PPT1: variants seen among roughly 807,000 people sequenced by gnomAD.
The protein encoded by PPT1 is ceroid-palmitoyl-palmitoyl-protein thioesterase 1.
A neutral mutation model predicts 44.0 loss-of-function variants in PPT1; 24 were observed. That is an observed-to-expected ratio of 0.54 (90% confidence interval 0.39 to 0.77). The LOEUF (loss-of-function observed/expected upper bound fraction) is 0.77, where lower values mean the gene tolerates loss of function less well. Among genes scored for constraint, PPT1 ranks in the 30% least tolerant of loss-of-function variants. PPT1 has a pLI of 0.00. For missense variants in PPT1, 341 were observed against 378.8 expected (o/e 0.90, Z 0.83); for synonymous variants, 148 against 140.2 (o/e 1.06, Z -0.39).
intron 7 of PPT1, 77 bp downstream of exon 7, chr1:40,078,483 T>C (rs1648744967): frequency 7.1e-7 from 1 of 1,418,030 alleles, no homozygotes; most frequent in Non-Finnish European, 9.9e-7. Flanking sequence ...ATTACAGGCA[T>C]GAGCCACCGT....
chr1:40,084,102 C>G (rs1456458360), intron 5 of PPT1, among the ~76,000 whole-genome samples: 1 of 152,026 alleles, frequency 6.6e-6, no homozygotes, highest in African/African-American at 2.4e-5. Flanking sequence ...GTCAAAATAT[C>G]AGTATTATCA....
chr1:40,081,490 T>G (rs1648935321), intron 5 of PPT1, among the ~76,000 whole-genome samples: 1 of 151,792 alleles, frequency 6.6e-6, no homozygotes, highest in Admixed American at 6.6e-5. Flanking sequence ...TGAGCCAAGA[T>G]CACGCCATTG....
chr1:40,089,876 T>C (rs1236805740), intron 4 of PPT1, among the ~76,000 whole-genome samples: 35 of 151,616 alleles, frequency 2.3e-4, no homozygotes, highest in Admixed American at 2.3e-3. Flanking sequence ...ATCCTTAGCA[T>C]CCTCATCAAT....
chr1:40,078,512 T>G, intron 7 of PPT1, 48 bp downstream of exon 7: 2 of 1,572,356 alleles, frequency 1.3e-6, no homozygotes, highest in Non-Finnish European at 1.7e-6. Flanking sequence ...AGCAGCCCTA[T>G]TTTAATGCCA....
intron 8 of PPT1, among the ~76,000 whole-genome samples, chr1:40,074,466 T>C (rs1648496023): frequency 7.7e-6 from 1 of 129,920 alleles, no homozygotes; most frequent in African/African-American, 3.0e-5. Flanking sequence ...TCTCTGTCTC[T>C]CTTTCTCTTT....
At chr1:40,090,338 A>G (rs568127946) in intron 4 of PPT1, among the ~76,000 whole-genome samples, 3 of 151,908 alleles carry the variant, frequency 2.0e-5, no homozygotes, top group Admixed American at 1.3e-4. Flanking sequence ...TTTATCGTGT[A>G]TATATATATA....
intron 1 of PPT1, among the ~76,000 whole-genome samples, chr1:40,096,106 G>C (rs115908521): frequency 0.022 from 3,349 of 152,108 alleles, 121 homozygotes; most frequent in African/African-American, 0.077. Context: ...ACAGCCAAAT[G>C]GCAACTGTCC....
rs568364064 is a variant in PPT1, at chr1:40,095,315, T to G, written c.124+1800A>C. Among the ~76,000 whole-genome samples the G allele has an allele frequency of 2.0e-5, 3 of 152,206 alleles. No individual in the cohort carries two copies. The South Asian group carries it at 6.2e-4, about 31-fold the overall frequency. ...TCATTTCCTCCACCTCCAAATGGAATGGAGTGCCTCAGGGCTTAGTCCTCT... is the reference window on the plus strand; with the variant it reads ...TCATTTCCTCCACCTCCAAATGGAAGGGAGTGCCTCAGGGCTTAGTCCTCT... On this transcript the variant is annotated intron_variant, in intron 1 of 8. Transcript: ENST00000642050.
At chr1:40,091,232 T>A in intron 4 of PPT1, 97 bp downstream of exon 4, 1 of 1,247,814 alleles carries the variant, frequency 8.0e-7, no homozygotes, top group Non-Finnish European at 1.2e-6. Context: ...CAAGAATGGC[T>A]GATGTCTTGT....
At chr1:40,081,188 T>C (rs1648917891) in intron 5 of PPT1, among the ~76,000 whole-genome samples, 1 of 152,108 alleles carries the variant, frequency 6.6e-6, no homozygotes, top group Non-Finnish European at 1.5e-5. Flanking sequence ...GGTGGGTCTT[T>C]CCTGTGCTGT....
At chr1:40,083,180 G>A (rs1317561379) in intron 5 of PPT1, among the ~76,000 whole-genome samples, 1 of 152,210 alleles carries the variant, frequency 6.6e-6, no homozygotes, top group African/African-American at 2.4e-5. Flanking sequence ...GGGCATGGTG[G>A]CTCATACCTA....
chr1:40,093,806 A>C (rs4660385), intron 1 of PPT1: 413,435 of 482,304 alleles, frequency 0.86, 178,710 homozygotes, highest in Non-Finnish European at 0.89. Flanking sequence ...ATCGCTTGAA[A>C]CTGAAAGGTG....
At chr1:40,071,474 T>G, downstream of PPT1, 2 of 1,613,610 alleles carry the variant, frequency 1.2e-6, no homozygotes, top group Non-Finnish European at 1.7e-6. Context: ...TCCTGAGCAG[T>G]TCAAGACCCT....
intron 1 of PPT1, chr1:40,096,849 T>G: frequency 5.4e-6 from 3 of 551,392 alleles, no homozygotes; most frequent in South Asian, 4.0e-5. Flanking sequence ...CTGACGCCAC[T>G]ACTGTAAGGA....
At chr1:40,088,337 G>A (rs1333241552) in intron 5 of PPT1, among the ~76,000 whole-genome samples, 1 of 151,990 alleles carries the variant, frequency 6.6e-6, no homozygotes, top group Non-Finnish European at 1.5e-5. Context: ...AATAGAGACG[G>A]GATTTCACCA....
chr1:40,074,312 T>C, intron 8 of PPT1, 129 bp from the exon 9 acceptor site: 11 of 1,144,560 alleles, frequency 9.6e-6, no homozygotes, highest in Non-Finnish European at 1.4e-5. Context: ...AGGTGTATTT[T>C]CAAAAATGCC....
rs1263557502 is a variant in PPT1 at position 40,096,460 on chromosome 1, A to T, written c.124+655T>A. 2.0e-5 allele frequency among the ~76,000 whole-genome samples: 3 copies of T among 152,194 alleles called. No homozygotes were observed. In the East Asian group the frequency reaches 5.8e-4, roughly 29 times the overall value. On this transcript the variant is annotated intron_variant, in intron 1 of 8. Coordinates refer to ENST00000642050, the MANE Select transcript of PPT1 (RefSeq NM_000310.4). Reference sequence around the variant, plus strand: ...GAAACCCAAAATCTGAAAGTTTTTCAGCGCAGACATGATGCCACAAGTGGA... The same window carrying T: ...GAAACCCAAAATCTGAAAGTTTTTCTGCGCAGACATGATGCCACAAGTGGA...
intron 8 of PPT1, 171 bp downstream of exon 8, chr1:40,076,671 A>C (rs944431792): frequency 6.8e-7 from 1 of 1,464,878 alleles, no homozygotes; most frequent in African/African-American, 1.4e-5. Flanking sequence ...TAGAGCACAT[A>C]ATCAAGAGCC....
intron 8 of PPT1, 174 bp downstream of exon 8, chr1:40,076,668 C>T (rs1184908103): frequency 5.4e-5 from 79 of 1,458,518 alleles, no homozygotes; most frequent in Non-Finnish European, 7.0e-5. Flanking sequence ...AGCTAGAGCA[C>T]ATAATCAAGA....
Sources: allele counts gnomAD v4.1 joint callset (sites outside exome capture counted in the v4.1 genomes callset), GRCh38; gene constraint gnomAD v4.1.1; transcripts MANE v1.5; gene names NCBI Gene and HGNC (gene_info 2026-07-23, HGNC 2026-07-21).